Variants in RASSF5 observed in about 807,000 individuals in gnomAD.
RASSF5 encodes the protein ras association domain-containing protein 5.
A neutral mutation model predicts 40.5 loss-of-function variants in RASSF5; 25 were observed. That is an observed-to-expected ratio of 0.62 (90% CI 0.45 to 0.86). The LOEUF (loss-of-function observed/expected upper bound fraction) is 0.86. Among genes scored for constraint, RASSF5 ranks in the 40% least tolerant of loss-of-function variants. RASSF5 has a pLI of 0.00. For missense variants in RASSF5, 521 were observed against 572.8 expected (o/e 0.91, Z 0.92); for synonymous variants, 246 against 252.4 (o/e 0.97, Z 0.24).
At chr1:206,585,418 G>T in intron 5 of RASSF5, 123 bp downstream of exon 5, 2 of 736,766 alleles carry the variant, frequency 2.7e-6, no homozygotes, top group East Asian at 2.5e-5. Flanking sequence ...GGTGACTGTT[G>T]AGAGAGTGAG....
chr1:206,507,590 C>A lies in RASSF5; in HGVS notation c.-13C>A. The stretch of plus-strand genomic sequence containing the variant: ...AAAGCCGCCGCTGCCAAAGCTGCCG[C>A]CACTAGCCGGGCATGGCCATGGCGT... On this transcript the variant is annotated 5_prime_UTR_variant, in exon 1 of 6. Transcript: ENST00000579436. 6.7e-7 allele frequency: 1 copy of A among 1,490,886 alleles called. No homozygotes were observed. Among genetic ancestry groups the A allele is most frequent in the Non-Finnish European group, 8.9e-7 (1 of 1,127,574 alleles). The allele number at this position is 1,490,886 out of a possible 1,614,324, so 92.4% of individuals were successfully genotyped here.
chr1:206,507,531 C>G lies in RASSF5; in HGVS notation c.-72C>G. 32 of 1,215,788 alleles carry G rather than the reference C, an allele frequency of 2.6e-5. No individual in the cohort carries two copies. Among genetic ancestry groups the G allele is most frequent in the Non-Finnish European group, 3.5e-5 (32 of 926,264 alleles). 75.3% of individuals were successfully genotyped at this position (1,215,788 alleles called of 1,614,324 possible). A position where few individuals can be genotyped will look rare whatever the true frequency, so the allele number is the denominator to read the frequency against. On this transcript the variant is annotated 5_prime_UTR_variant, in exon 1 of 6. Transcript: ENST00000579436. Reference sequence around the variant, plus strand: ...GCGCGCTGGTGTGGGGCGGCCCCTTCTCTCGGGGCTGGCTCGGGAGTAGCG... The same window carrying G: ...GCGCGCTGGTGTGGGGCGGCCCCTTGTCTCGGGGCTGGCTCGGGAGTAGCG...
chr1:206,574,487 T>C (rs1668562292), intron 2 of RASSF5, among the ~76,000 whole-genome samples: 1 of 152,184 alleles, frequency 6.6e-6, no homozygotes, highest in African/African-American at 2.4e-5. Context: ...TTTGGAGACT[T>C]GAGTCTCTTT....
intron 2 of RASSF5, among the ~76,000 whole-genome samples, chr1:206,568,453 T>C (rs375021359): frequency 1.3e-5 from 2 of 152,158 alleles, no homozygotes; most frequent in South Asian, 4.1e-4. Context: ...TCCTGGCTGC[T>C]GGCGCAAGTC....
intron 1 of RASSF5, chr1:206,529,765 C>CA (rs34769485): frequency 0.48 from 187,463 of 393,378 alleles, 37,686 homozygotes; most frequent in East Asian, 0.65. Flanking sequence ...ATTTTTCCTT[C>CA]AAAAAAAAAA....
At chr1:206,576,951 A>C (rs1476335501) in intron 2 of RASSF5, among the ~76,000 whole-genome samples, 3 of 150,290 alleles carry the variant, frequency 2.0e-5, no homozygotes, top group East Asian at 3.9e-4. Context: ...CTACAGGTGC[A>C]CTTCACTGTG....
chr1:206,540,720 C>G (rs1667524166), intron 2 of RASSF5, among the ~76,000 whole-genome samples: 1 of 152,184 alleles, frequency 6.6e-6, no homozygotes, highest in Non-Finnish European at 1.5e-5. Context: ...TGTTAAATCT[C>G]AAGATGGAGC....
At chr1:206,520,928 T>C (rs1553396008) in intron 1 of RASSF5, among the ~76,000 whole-genome samples, 1 of 152,060 alleles carries the variant, frequency 6.6e-6, no homozygotes, top group Admixed American at 6.5e-5. Flanking sequence ...TGTCTGCCCC[T>C]CCATTGTACC....
intron 2 of RASSF5, among the ~76,000 whole-genome samples, chr1:206,570,732 TCCTTC>T (rs1668424970): frequency 6.6e-6 from 1 of 152,166 alleles, no homozygotes; most frequent in Non-Finnish European, 1.5e-5. Flanking sequence ...TGTCAGAATT[TCCTTC>T]CCTTTCAAGG....
chr1:206,567,218 G>A (rs1668313314), intron 2 of RASSF5, among the ~76,000 whole-genome samples: 3 of 152,168 alleles, frequency 2.0e-5, no homozygotes, highest in African/African-American at 7.2e-5. Flanking sequence ...GGCACCTGCT[G>A]GCAGGAGAGT....
rs572470755 is a variant in RASSF5 at position 206,535,751 on chromosome 1, A to G, written c.458-2421A>G. On this transcript the variant is annotated intron_variant, in intron 1 of 5. Coordinates refer to ENST00000579436, the MANE Select transcript of RASSF5 (RefSeq NM_182663.4). The surrounding 1 kb of genome is among the most constrained non-coding windows in gnomAD (Gnocchi z 5.0). Reference sequence around the variant, plus strand: ...GTGTGTGTGTGTGTGTGTGAGAGAGAGAGAGAGAGATGGAAATTGAGAGAT... The same window carrying G: ...GTGTGTGTGTGTGTGTGTGAGAGAGGGAGAGAGAGATGGAAATTGAGAGAT... 6.6e-6 allele frequency among the ~76,000 whole-genome samples: 1 copy of G among 151,058 alleles called. No homozygotes were observed. The highest frequency in any genetic ancestry group is 1.5e-5 in the Non-Finnish European group (1 of 67,824).
At chr1:206,524,269 T>G (rs1292436790) in intron 1 of RASSF5, among the ~76,000 whole-genome samples, 2 of 140,548 alleles carry the variant, frequency 1.4e-5, no homozygotes, top group Non-Finnish European at 3.0e-5. Flanking sequence ...AGATACCATA[T>G]GTAATACATT....
At chr1:206,539,043 T>C (rs1667484865) in intron 2 of RASSF5, among the ~76,000 whole-genome samples, 1 of 152,200 alleles carries the variant, frequency 6.6e-6, no homozygotes, top group African/African-American at 2.4e-5. Flanking sequence ...TTTGGATATA[T>C]AGTGCAATTG....
At chr1:206,573,037 G>T (rs1287364063) in intron 2 of RASSF5, among the ~76,000 whole-genome samples, 1 of 152,198 alleles carries the variant, frequency 6.6e-6, no homozygotes, top group African/African-American at 2.4e-5. Context: ...GATGATGATG[G>T]TGATGATGAT....
intron 2 of RASSF5, among the ~76,000 whole-genome samples, chr1:206,582,798 A>T (rs1482478038): frequency 6.6e-6 from 1 of 152,220 alleles, no homozygotes; most frequent in African/African-American, 2.4e-5. Flanking sequence ...TACTGGCACC[A>T]TGGGTAGACG....
At position 206,589,187 on chromosome 1, in the gene RASSF5, TAA is replaced by T. The variant is rs1553408490; in HGVS notation, c.*2210_*2211del. The T allele has an allele frequency of 5.9e-5, 9 of 152,748 alleles. No homozygotes were observed. Among genetic ancestry groups the T allele is most frequent in the Non-Finnish European group, 1.2e-4 (8 of 68,024 alleles). 9.5% of individuals were successfully genotyped at this position (152,748 alleles called of 1,614,324 possible). A position where few individuals can be genotyped will look rare whatever the true frequency, so the allele number is the denominator to read the frequency against. On this transcript the variant is annotated 3_prime_UTR_variant, in exon 6 of 6. Coordinates refer to ENST00000579436, the MANE Select transcript of RASSF5 (RefSeq NM_182663.4). ...TTCTTTGGTTGTGTTGCTCAGTGTG[TAA>T]GTGTTTGTTTCCAGGATATTTTCTT... is the stretch of plus-strand genomic sequence containing the variant.
In RASSF5 at chr1:206,585,183, T is replaced by A; in HGVS notation, c.992T>A (p.Leu331His). ...AGCACCCTCTCTTGGTTTGCAGTGC[T>A]CTTCCAGAAACTCTCCATTGCTGAC... ...FKRIHKDGQV[L>H]FQKLSIADRP... The change falls in exon 5 of 6, where the codon CTC becomes CAC. Residue 331 changes from leucine to histidine, a missense_variant. Physicochemically the swap from Leu to His is moderately conservative, Grantham distance 99. This residue lies in a region of RASSF5 where 284 missense variants were observed against 360.8 expected (regional missense o/e 0.79). Coordinates refer to ENST00000579436, the MANE Select transcript of RASSF5 (RefSeq NM_182663.4). 6.2e-7 allele frequency: 1 copy of A among 1,613,472 alleles called. No homozygotes were observed. Among genetic ancestry groups the A allele is most frequent in the South Asian group, 1.1e-5 (1 of 91,064 alleles).
chr1:206,583,045 A>C (rs1349789177), intron 2 of RASSF5: 1 of 482,580 alleles, frequency 2.1e-6, no homozygotes, highest in African/African-American at 2.0e-5. Flanking sequence ...GAGGAGACTG[A>C]GGCTTAGAGA....
intron 2 of RASSF5, among the ~76,000 whole-genome samples, chr1:206,570,710 C>T (rs116459198): frequency 0.012 from 1,779 of 152,212 alleles, 36 homozygotes; most frequent in African/African-American, 0.041. Flanking sequence ...GGTTCATCCA[C>T]GTGATAGCAT....
Sources: gnomAD v4.1 joint callset for allele counts (sites outside exome capture counted in the v4.1 genomes callset) on GRCh38, gnomAD v4.1.1 for gene constraint, gnomAD v4.1.1 regional missense constraint, Gnocchi (gnomAD v3.1) non-coding constraint, MANE v1.5 for transcripts, NCBI Gene and HGNC (gene_info 2026-07-23, HGNC 2026-07-21) for gene names.